GPC6: variants seen among roughly 807,000 people sequenced by gnomAD.
GPC6 encodes glypican 6, also known as glypican-6.
GPC6 carries 14 observed loss-of-function variants against 55.2 expected under a neutral mutation model. That is an observed-to-expected ratio of 0.25 (90% CI 0.17 to 0.40). GPC6 has a LOEUF of 0.40. Among genes scored for constraint, GPC6 ranks in the 10% least tolerant of loss-of-function variants. GPC6 has a pLI of 1.00. For missense variants in GPC6, 641 were observed against 708.5 expected (o/e 0.90, Z 1.08); for synonymous variants, 278 against 259.6 (o/e 1.07, Z -0.68).
At chr13:93,248,797 T>C (rs1261490951) in intron 1 of GPC6, among the ~76,000 whole-genome samples, 2 of 152,210 alleles carry the variant, frequency 1.3e-5, no homozygotes, top group Non-Finnish European at 2.9e-5. Flanking sequence ...TACTGTGGAA[T>C]TGATTTTCAC....
At chr13:94,008,893 A>G (rs932752360) in intron 3 of GPC6, among the ~76,000 whole-genome samples, 1 of 152,144 alleles carries the variant, frequency 6.6e-6, no homozygotes, top group African/African-American at 2.4e-5. Context: ...ACAAAAATTT[A>G]TGCTAATATA....
intron 1 of GPC6, among the ~76,000 whole-genome samples, chr13:93,316,064 G>A (rs181131775): frequency 3.3e-5 from 5 of 152,010 alleles, no homozygotes; most frequent in Admixed American, 3.3e-4. Context: ...TTTAAATCCA[G>A]GCTTAGAATA....
chr13:94,335,543 T>G (rs1375259755), intron 6 of GPC6, among the ~76,000 whole-genome samples: 1 of 152,204 alleles, frequency 6.6e-6, no homozygotes, highest in Admixed American at 6.5e-5. Context: ...CTTTTAGGTT[T>G]GACATCTAGT....
intron 3 of GPC6, among the ~76,000 whole-genome samples, chr13:93,892,751 C>A (rs1875765552): frequency 6.6e-6 from 1 of 152,126 alleles, no homozygotes; most frequent in South Asian, 2.1e-4. Flanking sequence ...AACAACATAT[C>A]ATTAACCTCT....
intron 2 of GPC6, among the ~76,000 whole-genome samples, chr13:93,753,279 A>G (rs1884659904): frequency 6.6e-6 from 1 of 152,192 alleles, no homozygotes; most frequent in East Asian, 1.9e-4. Flanking sequence ...GTTCTAACAC[A>G]ACTAACAACA....
chr13:93,495,890 T>A (rs979170862), intron 1 of GPC6, among the ~76,000 whole-genome samples: 4 of 147,372 alleles, frequency 2.7e-5, no homozygotes, highest in African/African-American at 7.5e-5. Flanking sequence ...TTCTCAGATC[T>A]CCAGCTGCGT....
At chr13:93,413,497 G>A (rs981632094) in intron 1 of GPC6, among the ~76,000 whole-genome samples, 2 of 151,824 alleles carry the variant, frequency 1.3e-5, no homozygotes, top group Non-Finnish European at 2.9e-5. Flanking sequence ...ATAAACATAA[G>A]TGGACCCTTA....
chr13:93,299,375 T>A (rs16948616), intron 1 of GPC6, among the ~76,000 whole-genome samples: 43,881 of 152,104 alleles, frequency 0.29, 7,285 homozygotes, highest in African/African-American at 0.46. Flanking sequence ...AAGTACTTAG[T>A]GGAGGAACTA....
intron 3 of GPC6, among the ~76,000 whole-genome samples, chr13:94,000,809 G>A (rs935406950): frequency 4.6e-5 from 7 of 152,178 alleles, no homozygotes; most frequent in African/African-American, 1.7e-4. Context: ...GAGTCACAAA[G>A]AGTGTCTTCT....
At chr13:93,840,041 G>A (rs1277856150) in intron 3 of GPC6, among the ~76,000 whole-genome samples, 1 of 152,036 alleles carries the variant, frequency 6.6e-6, no homozygotes, top group Non-Finnish European at 1.5e-5. Context: ...CAAAAGGATT[G>A]GTGCCAATTC....
At chr13:93,331,556 T>G (rs1879845869) in intron 1 of GPC6, among the ~76,000 whole-genome samples, 1 of 152,194 alleles carries the variant, frequency 6.6e-6, no homozygotes, top group Admixed American at 6.5e-5. Flanking sequence ...AGCATATGCA[T>G]ATCTGGAGAA....
chr13:93,454,975 G>A (rs1271361403), intron 1 of GPC6, among the ~76,000 whole-genome samples: 1 of 152,198 alleles, frequency 6.6e-6, no homozygotes, highest in Non-Finnish European at 1.5e-5. Context: ...GCGCAGCGTC[G>A]GTGGGTTGGC....
rs985647770 is a variant in GPC6 at position 94,027,617 on chromosome 13, A to G, written c.712-112A>G. 6 of 935,832 alleles carry G rather than the reference A, an allele frequency of 6.4e-6. No homozygotes were observed. The African/African-American group carries it at 9.7e-5, about 15-fold the overall frequency. 58.0% of individuals were successfully genotyped at this position (935,832 alleles called of 1,614,324 possible). A position where few individuals can be genotyped will look rare whatever the true frequency, so the allele number is the denominator to read the frequency against. ...GAATTGGATGGATTCAAGATCAGTA[A>G]TTACAAAGGGTTAAGATTCTGCTTG... On this transcript the variant is annotated intron_variant, in intron 3 of 8. Transcript: ENST00000377047.
intron 6 of GPC6, among the ~76,000 whole-genome samples, chr13:94,351,677 G>C (rs759912523): frequency 6.6e-6 from 1 of 152,012 alleles, no homozygotes; most frequent in Non-Finnish European, 1.5e-5. Context: ...GCTATGTCAT[G>C]GATCTGATCT....
intron 3 of GPC6, among the ~76,000 whole-genome samples, chr13:93,855,414 A>G (rs1188471407): frequency 6.6e-6 from 1 of 151,598 alleles, no homozygotes; most frequent in African/African-American, 2.4e-5. Flanking sequence ...ACACAATTTT[A>G]TTTATCCATT....
chr13:93,261,035 C>T (rs1176907697), intron 1 of GPC6, among the ~76,000 whole-genome samples: 1 of 152,060 alleles, frequency 6.6e-6, no homozygotes, highest in Non-Finnish European at 1.5e-5. Context: ...TTCACTAATA[C>T]CAGATAATTT....
chr13:93,372,445 T>A (rs1410822413), intron 1 of GPC6, among the ~76,000 whole-genome samples: 3 of 152,204 alleles, frequency 2.0e-5, no homozygotes, highest in African/African-American at 7.2e-5. Flanking sequence ...GATCTACTTG[T>A]TATTGATACA....
chr13:94,077,723 A>G (rs1350309933), intron 4 of GPC6, among the ~76,000 whole-genome samples: 6 of 151,698 alleles, frequency 4.0e-5, no homozygotes, highest in African/African-American at 1.5e-4. Flanking sequence ...ATTTATGGAG[A>G]TGATAATATG....
chr13:93,408,079 C>T (rs1168801249), intron 1 of GPC6, among the ~76,000 whole-genome samples: 1 of 152,092 alleles, frequency 6.6e-6, no homozygotes, highest in Admixed American at 6.6e-5. Flanking sequence ...CTATTTTCCT[C>T]CAAGACTCTT....
Sources: allele counts gnomAD v4.1 joint callset (sites outside exome capture counted in the v4.1 genomes callset), GRCh38; gene constraint gnomAD v4.1.1; transcripts MANE v1.5; gene names NCBI Gene and HGNC (gene_info 2026-07-23, HGNC 2026-07-21).